The following WDR87 variants were observed in gnomAD, a reference collection of about 807,000 sequenced individuals.
WDR87 encodes the protein WD repeat domain 87.
A neutral mutation model predicts 83.3 loss-of-function variants in WDR87; 56 were observed. The observed-to-expected ratio is 0.67, with a 90% confidence interval of 0.54 to 0.84. WDR87 has a LOEUF of 0.84. Among genes scored for constraint, WDR87 ranks in the 40% least tolerant of loss-of-function variants. The pLI is 0.00. For missense variants in WDR87, 2,939 were observed against 3,431.9 expected, an observed-to-expected ratio of 0.86 and a Z score of 3.59; for synonymous variants, 1,173 against 1,250.6, an observed-to-expected ratio of 0.94 and a Z score of 1.31.
At chr19:37,890,330 A>G in intron 5 of WDR87, 54 bp from the exon 6 acceptor site, 1 of 1,457,388 alleles carries the variant, frequency 6.9e-7, no homozygotes, top group Non-Finnish European at 9.0e-7. Context: ...GCGACATGAA[A>G]CCCTTCCCAA....
Position 37,889,053 on chromosome 19 carries a change from C to G in WDR87, c.4618G>C (p.Glu1540Gln). Residue 1540 changes from glutamate (E) to glutamine (Q), a missense_variant, in exon 6 of 6, where the codon GAG becomes CAG. Transcript: ENST00000447313. The part of the protein sequence containing the change: ...QEEEKLHQAG[E>Q]KLSPEEEMLQ... ...ATTTCCTCCTCCGGGGATAGCTTCT[C>G]TCCAGCCTGATGTAGTTTCTCCTCT... 6.4e-7 allele frequency: 1 copy of G among 1,552,110 alleles called. No individual in the cohort carries two copies.
At chr19:37,902,381 A>C (rs2046298861) in intron 1 of WDR87, among the ~76,000 whole-genome samples, 1 of 151,584 alleles carries the variant, frequency 6.6e-6, no homozygotes, top group Non-Finnish European at 1.5e-5. Context: ...TGCCCAGCTA[A>C]TTTTGTATTT....
At position 37,887,765 on chromosome 19, in the gene WDR87, A is replaced by C; in HGVS notation, c.5906T>G (p.Leu1969Trp). 6.4e-7 allele frequency: 1 copy of C among 1,551,890 alleles called. No individual in the cohort carries two copies. The highest frequency in any genetic ancestry group is 8.7e-7 in the Non-Finnish European group (1 of 1,147,064). The change falls in exon 6 of 6, where the codon TTG (leucine) becomes TGG (tryptophan). Residue 1969 changes from leucine (L) to tryptophan (W), a missense_variant. Leu to Trp is a moderately conservative substitution (Grantham distance 61). This residue lies in a region of WDR87 where 2,160 missense variants were observed against 2,533.1 expected (regional missense o/e 0.85). Transcript: ENST00000447313. The stretch of plus-strand genomic sequence containing the variant: ...AGCTAATTTCATTTTTTCCTGGGCC[A>C]ATTTCTCCTGTTTTTTGGCCAAACT... ...EDSLAKKQEK[L>W]AQEKMKLALE...
chr19:37,905,180 C>T (rs192014183), intron 1 of WDR87, among the ~76,000 whole-genome samples: 2 of 147,342 alleles, frequency 1.4e-5, no homozygotes, highest in East Asian at 2.0e-4. Context: ...TGCAGGGAGC[C>T]GAGGTGGCGC....
In WDR87 at chr19:37,893,667, G is replaced by C. The variant is rs1339283774; in HGVS notation, c.2036C>G (p.Pro679Arg). 2 of 1,552,080 alleles carry C rather than the reference G, an allele frequency of 1.3e-6. No homozygotes were observed. The highest frequency in any genetic ancestry group is 1.7e-6 in the Non-Finnish European group (2 of 1,147,108). Residue 679 changes from proline (P) to arginine (R), a missense_variant, in exon 4 of 6, where the codon CCC becomes CGC. This residue lies in a region of WDR87 where 553 missense variants were observed against 577.9 expected (regional missense o/e 0.96). Transcript: ENST00000447313. ...GGAAAGGCGAGTCAGCAGGGCTGGGGGAAGCAATTTTAAACAGGACACTAG... is the reference window on the plus strand; with the variant it reads ...GGAAAGGCGAGTCAGCAGGGCTGGGCGAAGCAATTTTAAACAGGACACTAG... ...LYLVSCLKLL[P>R]PALLTRLSFM...
chr19:37,896,445 G>A, intron 2 of WDR87, 137 bp from the exon 3 acceptor site: 1 of 838,434 alleles, frequency 1.2e-6, no homozygotes, highest in Non-Finnish European at 1.8e-6. Context: ...ACTCACACGT[G>A]CATAACTTAT....
Position 37,893,130 on chromosome 19 carries a change from G to T in WDR87, c.2573C>A (p.Ser858Tyr). The T allele has an allele frequency of 6.4e-7, 1 of 1,551,794 alleles. No homozygotes were observed. Among genetic ancestry groups the T allele is most frequent in the Non-Finnish European group, 8.7e-7 (1 of 1,147,032 alleles). The change falls in exon 4 of 6, where the codon TCT becomes TAT. Residue 858 changes from serine to tyrosine, a missense_variant. Around this residue, in one of 3 missense-constraint regions of WDR87, gnomAD observed 2,160 missense variants for 2,533.1 expected, o/e 0.85. Transcript: ENST00000447313. Reference sequence around the variant, plus strand: ...GCTGTGCCAGAAAAAGAATTCTTGAGACCTGTCCCATTCCAGCTCCCGCTG... The same window carrying T: ...GCTGTGCCAGAAAAAGAATTCTTGATACCTGTCCCATTCCAGCTCCCGCTG... ...APQRELEWDR[S>Y]QEFFFWHSRV... is the part of the protein sequence containing the mutation.
chr19:37,893,152 G>T lies in WDR87; in HGVS notation c.2551C>A (p.Arg851=), dbSNP rs374816200. ...TGAGACCTGTCCCATTCCAGCTCCC[G>T]CTGGGGTGCATGCAGGTTGCACTGT... ...YLQCNLHAPQ[R]ELEWDRSQEF... is the part of the protein sequence containing the mutation. The change falls in exon 4 of 6, where the codon CGG becomes AGG. Residue 851 remains arginine, a synonymous_variant. Transcript: ENST00000447313. 20 of 1,551,894 alleles carry T rather than the reference G, an allele frequency of 1.3e-5. No individual in the cohort carries two copies. In the East Asian group the frequency reaches 4.9e-4, roughly 38 times the overall value.
intron 1 of WDR87, among the ~76,000 whole-genome samples, chr19:37,904,679 T>G (rs1332120928): frequency 6.6e-6 from 1 of 152,186 alleles, no homozygotes; most frequent in Admixed American, 6.5e-5. Flanking sequence ...ATGCAAGTGA[T>G]AGTATACTAT....
intron 1 of WDR87, among the ~76,000 whole-genome samples, chr19:37,898,631 G>T (rs1465807035): frequency 6.6e-5 from 10 of 152,118 alleles, no homozygotes. Context: ...ACATTTTGTG[G>T]TGTGTCCGGA....
Position 37,894,448 on chromosome 19 carries a change from G to T in WDR87, c.1255C>A (p.Pro419Thr). The T allele has an allele frequency of 6.4e-7, 1 of 1,551,704 alleles. No homozygotes were observed. Among genetic ancestry groups the T allele is most frequent in the Non-Finnish European group, 8.7e-7 (1 of 1,146,998 alleles). ...LDQAVDWAYD[P>T]GKEELFVATG... ...GCTACAAAGAGCTCCTCTTTACCTGGGTCGTAGGCCCAATCCACAGCCTGG... is the reference window on the plus strand; with the variant it reads ...GCTACAAAGAGCTCCTCTTTACCTGTGTCGTAGGCCCAATCCACAGCCTGG... Residue 419 changes from proline to threonine, a missense_variant, in exon 4 of 6, where the codon CCA (proline) becomes ACA (threonine). This residue lies in a region of WDR87 where 553 missense variants were observed against 577.9 expected (regional missense o/e 0.96). Transcript: ENST00000447313.
rs2046128108 is a variant in WDR87, at chr19:37,884,853, G to A, written c.*79C>T. The A allele has an allele frequency of 8.6e-7, 1 of 1,164,790 alleles. No homozygotes were observed. The highest frequency in any genetic ancestry group is 1.1e-6 in the Non-Finnish European group (1 of 910,192). 72.2% of individuals were successfully genotyped at this position (1,164,790 alleles called of 1,614,324 possible). On this transcript the variant is annotated 3_prime_UTR_variant, in exon 6 of 6. Coordinates refer to ENST00000447313, the MANE Select transcript of WDR87 (RefSeq NM_001291088.2). ...CAAAAAAAAAAAAAAGAGAGAGAGA[G>A]AGATGAAGGTCTAGATCCTGGTAAT...
chr19:37,903,542 T>C (rs866939878), intron 1 of WDR87, among the ~76,000 whole-genome samples: 1 of 152,136 alleles, frequency 6.6e-6, no homozygotes, highest in Non-Finnish European at 1.5e-5. Context: ...TTAATTCTTA[T>C]TTATTTTGAG....
In WDR87 at chr19:37,885,269, T is replaced by A; in HGVS notation, c.8402A>T (p.Gln2801Leu). ...EQFYQLMDLY[Q>L]LKSPRIQKLL... ...CTTCTGGATTCTGGGGGACTTAAGT[T>A]GGTACAGGTCCATGAGCTGGTAGAA... The change falls in exon 6 of 6, where the codon CAA becomes CTA. Residue 2801 changes from glutamine to leucine, a missense_variant. Gln to Leu is a moderately radical substitution (Grantham distance 113). Coordinates refer to ENST00000447313, the MANE Select transcript of WDR87 (RefSeq NM_001291088.2). 1 of 1,530,160 alleles carries A rather than the reference T, an allele frequency of 6.5e-7. No homozygotes were observed. The allele number at this position is 1,530,160 out of a possible 1,614,324, so 94.8% of individuals were successfully genotyped here. A position where few individuals can be genotyped will look rare whatever the true frequency, so the allele number is the denominator to read the frequency against.
chr19:37,897,743 G>A (rs528022256), intron 2 of WDR87, among the ~76,000 whole-genome samples: 5 of 152,088 alleles, frequency 3.3e-5, no homozygotes, highest in Admixed American at 3.3e-4. Context: ...AAATTAGCTG[G>A]GCGTGGTGGC....
Position 37,897,866 on chromosome 19 carries a change from C to T in WDR87, c.75+299G>A, listed in dbSNP as rs550001409. ...TCATGCCACTGCACTCCAGCCTGGGCGACAGAACGAGACTGTGTCTCAAAA... is the reference window on the plus strand; with the variant it reads ...TCATGCCACTGCACTCCAGCCTGGGTGACAGAACGAGACTGTGTCTCAAAA... On this transcript the variant is annotated intron_variant, in intron 2 of 5. Transcript: ENST00000447313. Among the ~76,000 whole-genome samples, 38 of 152,060 alleles carry T rather than the reference C, an allele frequency of 2.5e-4. No individual in the cohort carries two copies. In the East Asian group the frequency reaches 5.2e-3, roughly 21 times the overall value.
At position 37,889,494 on chromosome 19, in the gene WDR87, C is replaced by G; in HGVS notation, c.4177G>C (p.Ala1393Pro). The G allele has an allele frequency of 1.3e-6, 2 of 1,551,732 alleles. No individual in the cohort carries two copies. Among genetic ancestry groups the G allele is most frequent in the Non-Finnish European group, 1.7e-6 (2 of 1,147,018 alleles). Residue 1393 changes from alanine (A) to proline (P), a missense_variant, in exon 6 of 6, where the codon GCA (alanine) becomes CCA (proline). This residue lies in a region of WDR87 where 2,160 missense variants were observed against 2,533.1 expected (regional missense o/e 0.85). Transcript: ENST00000447313. ...TCCTCCAAGCCCAGCATGTCTCTTG[C>G]TTTCTTTTGTGCTTGTTCTTCTTCC... is the stretch of plus-strand genomic sequence containing the variant. ...PREEEQAQKKARDMLGLEETQ... is the reference protein window; with the variant it reads ...PREEEQAQKKPRDMLGLEETQ...
At chr19:37,896,357 A>G (rs1162039200) in intron 2 of WDR87, 49 bp from the exon 3 acceptor site, 2 of 1,531,012 alleles carry the variant, frequency 1.3e-6, no homozygotes, top group African/African-American at 2.8e-5. Context: ...CAGAGGCACT[A>G]AATATATTCT....
In WDR87 at chr19:37,891,785, A is replaced by G; in HGVS notation, c.3161T>C (p.Leu1054Pro). ...QMIGEEPLDHLLGMRATDLQI... is the reference protein window; with the variant it reads ...QMIGEEPLDHPLGMRATDLQI... ...GAGATCTGTGGCCCGCATCCCCAGT[A>G]GATGGTCCAGGGGTTCCTCCCCGAT... is the stretch of plus-strand genomic sequence containing the variant. Residue 1054 changes from leucine to proline, a missense_variant, in exon 5 of 6, where the codon CTA becomes CCA. By Grantham distance (98) the Leu-to-Pro change is moderately conservative. Transcript: ENST00000447313. The G allele has an allele frequency of 6.4e-7, 1 of 1,552,318 alleles. No individual in the cohort carries two copies. The highest frequency in any genetic ancestry group is 8.7e-7 in the Non-Finnish European group (1 of 1,147,136).
Sources: allele counts gnomAD v4.1 joint callset (sites outside exome capture counted in the v4.1 genomes callset), GRCh38; gene constraint gnomAD v4.1.1; regional missense constraint gnomAD v4.1.1; transcripts MANE v1.5; gene names NCBI Gene and HGNC (gene_info 2026-07-23, HGNC 2026-07-21).